Variants in ARHGEF28 observed in about 807,000 individuals in gnomAD.
ARHGEF28 encodes the protein Rho guanine nucleotide exchange factor 28.
In ARHGEF28, 152 loss-of-function variants were observed where a neutral mutation model predicts 206.6. The observed-to-expected ratio is 0.74, with a 90% CI of 0.64 to 0.84. The LOEUF is 0.84. Among genes scored for constraint, ARHGEF28 ranks in the 40% least tolerant of loss-of-function variants. The pLI, the probability that ARHGEF28 is intolerant of heterozygous loss-of-function variation, is 0.00. For missense variants in ARHGEF28, 2,028 were observed against 2,073.2 expected, an observed-to-expected ratio of 0.98 and a Z score of 0.42; for synonymous variants, 763 against 776.4, an observed-to-expected ratio of 0.98 and a Z score of 0.29.
chr5:73,917,902 G>A (rs914472844), intron 35 of ARHGEF28, among the ~76,000 whole-genome samples: 3 of 152,182 alleles, frequency 2.0e-5, no homozygotes, highest in African/African-American at 7.2e-5. Context: ...AAGAGACTAA[G>A]GCTTGGGTTT....
At chr5:73,795,249 T>C in intron 8 of ARHGEF28, 82 bp from the exon 9 acceptor site, 1 of 1,269,648 alleles carries the variant, frequency 7.9e-7, no homozygotes, top group African/African-American at 1.5e-5. Flanking sequence ...TTTCCAAGGT[T>C]GTTTTTCTAG....
intron 4 of ARHGEF28, among the ~76,000 whole-genome samples, chr5:73,763,915 T>A (rs1312898631): frequency 6.6e-6 from 1 of 152,242 alleles, no homozygotes; most frequent in African/African-American, 2.4e-5. Flanking sequence ...CTTACAATTA[T>A]GCCTTTAAAT....
chr5:73,910,574 C>G (rs150901276), intron 34 of ARHGEF28, among the ~76,000 whole-genome samples: 1 of 152,052 alleles, frequency 6.6e-6, no homozygotes, highest in African/African-American at 2.4e-5. Context: ...GAAGGACTCT[C>G]TTTATATGAT....
chr5:73,864,774 TTAAG>T (rs1759603282), intron 16 of ARHGEF28, 39 bp from the exon 17 acceptor site: 2 of 1,562,832 alleles, frequency 1.3e-6, no homozygotes, highest in African/African-American at 1.4e-5. Flanking sequence ...TTCAGACTAA[TTAAG>T]TAAGATGGAT....
chr5:73,724,984 TA>T (rs1238481401), intron 2 of ARHGEF28, among the ~76,000 whole-genome samples: 3 of 152,224 alleles, frequency 2.0e-5, no homozygotes, highest in African/African-American at 7.2e-5. Context: ...TTTCAGATTT[TA>T]TTTTTCTTCT....
At chr5:73,924,330 AT>A (rs1372206971) in intron 35 of ARHGEF28, among the ~76,000 whole-genome samples, 1 of 152,164 alleles carries the variant, frequency 6.6e-6, no homozygotes, top group Non-Finnish European at 1.5e-5. Context: ...CAGCTCAGTC[AT>A]TTATTATCTA....
At chr5:73,906,527 A>G (rs1225160260) in intron 33 of ARHGEF28, among the ~76,000 whole-genome samples, 1 of 152,220 alleles carries the variant, frequency 6.6e-6, no homozygotes, top group East Asian at 1.9e-4. Context: ...CAGCCCCACA[A>G]GAGCTCTTAA....
At chr5:73,749,743 A>G in intron 2 of ARHGEF28, 94 bp from the exon 3 acceptor site, 1 of 1,387,490 alleles carries the variant, frequency 7.2e-7, no homozygotes, top group Non-Finnish European at 9.9e-7. Flanking sequence ...GAACATAACA[A>G]ATGACACTGT....
chr5:73,714,912 G>A (rs1431743619), intron 2 of ARHGEF28, among the ~76,000 whole-genome samples: 1 of 152,142 alleles, frequency 6.6e-6, no homozygotes, highest in Non-Finnish European at 1.5e-5. Context: ...TCCCTAGCGT[G>A]TGAGTGTTGA....
At chr5:73,665,175 GA>G (rs1378453450) in intron 1 of ARHGEF28, among the ~76,000 whole-genome samples, 2 of 152,034 alleles carry the variant, frequency 1.3e-5, no homozygotes, top group Non-Finnish European at 2.9e-5. Flanking sequence ...CCTTCTGCCA[GA>G]AGATCTTAAA....
intron 26 of ARHGEF28, 58 bp downstream of exon 26, chr5:73,887,737 A>G: frequency 7.4e-7 from 1 of 1,348,010 alleles, no homozygotes; most frequent in Non-Finnish European, 1.0e-6. Flanking sequence ...CATTTTCTTG[A>G]AAAATACCTA....
At chr5:73,836,160 T>C (rs1757619680) in intron 10 of ARHGEF28, among the ~76,000 whole-genome samples, 1 of 152,166 alleles carries the variant, frequency 6.6e-6, no homozygotes, top group Non-Finnish European at 1.5e-5. Flanking sequence ...TTTGGATATA[T>C]ACTCAGTGGT....
chr5:73,880,082 A>G (rs990476965), intron 22 of ARHGEF28, among the ~76,000 whole-genome samples: 4 of 152,196 alleles, frequency 2.6e-5, no homozygotes, highest in Non-Finnish European at 5.9e-5. Flanking sequence ...GGCTCTACCC[A>G]CTTGGAGCTT....
At chr5:73,679,566 CAAAAAAA>C (rs552307895) in intron 1 of ARHGEF28, among the ~76,000 whole-genome samples, 2 of 62,506 alleles carry the variant, frequency 3.2e-5, no homozygotes, top group African/African-American at 1.2e-4. Flanking sequence ...GACTCTGTCT[CAAAAAAA>C]AAAAAAAAAA....
intron 9 of ARHGEF28, among the ~76,000 whole-genome samples, chr5:73,825,866 G>A (rs1756876081): frequency 6.6e-6 from 1 of 152,164 alleles, no homozygotes. Context: ...AGAACAACTA[G>A]GAGGAGATAT....
chr5:73,785,863 C>A (rs1337147411), intron 7 of ARHGEF28, among the ~76,000 whole-genome samples: 2 of 151,898 alleles, frequency 1.3e-5, no homozygotes, highest in Non-Finnish European at 2.9e-5. Flanking sequence ...GTGGAGGCAG[C>A]CGCTCTCACC....
intron 18 of ARHGEF28, among the ~76,000 whole-genome samples, chr5:73,866,820 G>GT (rs1210790118): frequency 1.3e-5 from 2 of 152,166 alleles, no homozygotes; most frequent in Non-Finnish European, 2.9e-5. Flanking sequence ...TCTGCCTAAA[G>GT]TTGTGTTGCT....
intron 35 of ARHGEF28, chr5:73,922,979 C>T (rs1307871416): frequency 2.8e-6 from 3 of 1,070,222 alleles, no homozygotes; most frequent in Non-Finnish European, 4.0e-6. Context: ...ATGCAAAGTA[C>T]TTTTCATTGG....
At chr5:73,831,977 C>T (rs982614888) in intron 9 of ARHGEF28, among the ~76,000 whole-genome samples, 12 of 152,296 alleles carry the variant, frequency 7.9e-5, no homozygotes, top group Admixed American at 1.3e-4. Context: ...AGGCGTGAGA[C>T]ACCATGTCCG....
Sources: allele counts gnomAD v4.1 joint callset (sites outside exome capture counted in the v4.1 genomes callset), GRCh38; gene constraint gnomAD v4.1.1; transcripts MANE v1.5; gene names NCBI Gene and HGNC (gene_info 2026-07-23, HGNC 2026-07-21).